The following ATP5ME variants were observed in gnomAD, a reference collection of about 807,000 sequenced individuals.
ATP5ME encodes ATP synthase F(0) complex subunit e, mitochondrial.
In ATP5ME, 10 loss-of-function variants were observed where a neutral mutation model predicts 11.6. That is an observed-to-expected ratio of 0.86 (90% CI 0.53 to 1.46). The LOEUF (loss-of-function observed/expected upper bound fraction) is 1.46, where lower values mean the gene tolerates loss of function less well. Ranked by LOEUF, ATP5ME falls within the 40% of genes most tolerant of loss-of-function variation. ATP5ME has a pLI of 0.00. For missense variants in ATP5ME, 115 were observed against 85.4 expected (o/e 1.35, Z -1.37); for synonymous variants, 45 against 33.5 (o/e 1.34, Z -1.19).
chr4:674,122 G>A (rs1463000962), intron 1 of ATP5ME, 90 bp downstream of exon 1: 9 of 1,381,150 alleles, frequency 6.5e-6, no homozygotes, highest in Non-Finnish European at 7.9e-6. Context: ...GGGGGCGGGG[G>A]CCGGGGGTCG....
chr4:674,228 AC>A lies in ATP5ME; in HGVS notation c.19del (p.Val7SerfsTer27). The A allele has an allele frequency of 6.2e-7, 1 of 1,611,856 alleles. No homozygotes were observed. The highest frequency in any genetic ancestry group is 1.3e-5 in the African/African-American group (1 of 74,952). MVPPVQ[V>X]SPLIKLGRYS... ...CTGGATCACCTTGATGAGCGGAGAGACCTGCACCGGTGGCACCATCTTGTCC... is the reference window on the plus strand; with the variant it reads ...CTGGATCACCTTGATGAGCGGAGAGACTGCACCGGTGGCACCATCTTGTCC... On this transcript the variant is annotated frameshift_variant, in exon 1 of 4. Transcript: ENST00000304312. LOFTEE classifies it high-confidence loss of function.
chr4:673,346 C>A lies in ATP5ME; in HGVS notation c.147G>T (p.Lys49Asn), dbSNP rs774192635. The change falls in exon 3 of 4, where the codon AAG becomes AAT. Residue 49 changes from lysine (K) to asparagine (N), a missense_variant. By Grantham distance (94) the Lys-to-Asn change is moderately conservative (BLOSUM62 0). Coordinates refer to ENST00000304312, the MANE Select transcript of ATP5ME (RefSeq NM_007100.4). Reference sequence around the variant, plus strand: ...CAATCCGTTTCAGTTCATCCTGCTTCTTCTTCTCTTCTGCTGCTATCCTCC... The same window carrying A: ...CAATCCGTTTCAGTTCATCCTGCTTATTCTTCTCTTCTGCTGCTATCCTCC... Reference protein sequence around the residue: ...EERRIAAEEKKKQDELKRIAR... With the variant: ...EERRIAAEEKNKQDELKRIAR... 2 of 1,614,212 alleles carry A rather than the reference C, an allele frequency of 1.2e-6. No homozygotes were observed. Among genetic ancestry groups the A allele is most frequent in the Non-Finnish European group, 1.7e-6 (2 of 1,180,018 alleles).
chr4:674,085 G>A (rs1738662021), intron 1 of ATP5ME, 119 bp from the exon 2 acceptor site: 1 of 1,463,846 alleles, frequency 6.8e-7, no homozygotes, highest in Non-Finnish European at 9.2e-7. Flanking sequence ...TCCGGTCGCC[G>A]GGCGAGGGTC....
chr4:673,782 T>C, intron 2 of ATP5ME, 130 bp downstream of exon 2: 2 of 1,293,850 alleles, frequency 1.5e-6, no homozygotes, highest in Non-Finnish European at 2.2e-6. Flanking sequence ...TCACGCTCGG[T>C]GGAGGACACG....
In ATP5ME at chr4:672,453, A is replaced by G. The variant is rs769795496; in HGVS notation, c.*47T>C. 6 of 1,612,654 alleles carry G rather than the reference A, an allele frequency of 3.7e-6. No individual in the cohort carries two copies. Among genetic ancestry groups the G allele is most frequent in the Non-Finnish European group, 5.1e-6 (6 of 1,179,226 alleles). On this transcript the variant is annotated 3_prime_UTR_variant, in exon 4 of 4. Transcript: ENST00000304312. ...AGCCGGAGTATCACACAACACAGGA[A>G]GCTTTATTCATCCGCTGCTGGTCCA...
In ATP5ME at chr4:674,037, G is replaced by C. The variant is rs963135363; in HGVS notation, c.37-71C>G. The C allele has an allele frequency of 1.5e-5, 23 of 1,517,790 alleles. No homozygotes were observed. In the African/African-American group the frequency reaches 3.2e-4, roughly 21 times the overall value. 94.0% of individuals were successfully genotyped at this position (1,517,790 alleles called of 1,614,324 possible). A position where few individuals can be genotyped will look rare whatever the true frequency, so the allele number is the denominator to read the frequency against. On this transcript the variant is annotated intron_variant, in intron 1 of 3. Transcript: ENST00000304312. ...GACGGGGGTCGCGGGAGGAGGGGGG[G>C]CGGGGTCGCTGGGCAGAGGTCGCAG...
At chr4:673,259 CA>C in intron 3 of ATP5ME, 43 bp downstream of exon 3, 1 of 1,613,886 alleles carries the variant, frequency 6.2e-7, no homozygotes, top group East Asian at 2.2e-5. Context: ...TATCCCTGCA[CA>C]AACCTGGGAG....
chr4:672,549 A>G (rs368343620), intron 3 of ATP5ME, 30 bp from the exon 4 acceptor site: 4 of 1,612,242 alleles, frequency 2.5e-6, no homozygotes, highest in Admixed American at 1.7e-5. Context: ...AGAAAAGCAC[A>G]TGTTACCACT....
At chr4:673,802 C>T in intron 2 of ATP5ME, 110 bp downstream of exon 2, 1 of 1,394,252 alleles carries the variant, frequency 7.2e-7, no homozygotes, top group Non-Finnish European at 9.8e-7. Context: ...GGTCCTGCAG[C>T]CTCGCATGCG....
At chr4:673,692 A>T in intron 2 of ATP5ME, 1 of 789,694 alleles carries the variant, frequency 1.3e-6, no homozygotes, top group Non-Finnish European at 2.0e-6. Flanking sequence ...ACCCGTTTTC[A>T]CCAAGAAGCA....
rs1441965895 is a variant in ATP5ME at position 673,356 on chromosome 4, TCTG to T, written c.134_136del (p.Ala45del). The T allele has an allele frequency of 2.5e-6, 4 of 1,614,084 alleles. No individual in the cohort carries two copies. The highest frequency in any genetic ancestry group is 2.2e-5 in the South Asian group (2 of 91,088). Reference sequence around the variant, plus strand: ...CAGTTCATCCTGCTTCTTCTTCTCTTCTGCTGCTATCCTCCTCTCCTCTTCTGC... The same window carrying T: ...CAGTTCATCCTGCTTCTTCTTCTCTTCTGCTATCCTCCTCTCCTCTTCTGC... On this transcript the variant is annotated inframe_deletion, in exon 3 of 4. Coordinates refer to ENST00000304312, the MANE Select transcript of ATP5ME (RefSeq NM_007100.4).
chr4:674,124 CG>C, intron 1 of ATP5ME, 87 bp downstream of exon 1: 6 of 578,964 alleles, frequency 1.0e-5, no homozygotes, highest in African/African-American at 5.8e-5. Flanking sequence ...GGGCGGGGGC[CG>C]GGGGTCGCAG....
At chr4:673,874 G>A (rs766513271) in intron 2 of ATP5ME, 38 bp downstream of exon 2, 4 of 1,544,294 alleles carry the variant, frequency 2.6e-6, no homozygotes, top group South Asian at 1.2e-5. Flanking sequence ...CAGGAAAGCC[G>A]AGCAGACCCC....
chr4:673,836 G>A (rs756370661), intron 2 of ATP5ME, 76 bp downstream of exon 2: 126 of 1,520,510 alleles, frequency 8.3e-5, no homozygotes, highest in Non-Finnish European at 1.0e-4. Context: ...TCCAGAGCTG[G>A]AGTTCTCCAA....
At chr4:673,609 CACTGGCTCACTCGTCCTCTGCGAACAGGG>C in intron 2 of ATP5ME, 2 of 865,470 alleles carry the variant, frequency 2.3e-6, no homozygotes, top group Non-Finnish European at 3.5e-6. Context: ...CCCGCTCACG[CACTGGCTCACTCGTCCTCTGCGAACAGGG>C]ACTGCCTCCC....
chr4:674,087 G>A (rs1738662249), intron 1 of ATP5ME, 121 bp from the exon 2 acceptor site: 2 of 1,463,696 alleles, frequency 1.4e-6, no homozygotes, highest in Non-Finnish European at 9.2e-7. Context: ...CGGTCGCCGG[G>A]CGAGGGTCAC....
intron 1 of ATP5ME, 39 bp downstream of exon 1, chr4:674,173 G>A (rs763951083): frequency 2.5e-5 from 40 of 1,604,210 alleles, no homozygotes; most frequent in Non-Finnish European, 3.1e-5. Context: ...ACACGGGGGG[G>A]CCCAGAGCAC....
chr4:673,323 A>T lies in ATP5ME; in HGVS notation c.170T>A (p.Ile57Asn). Reference sequence around the variant, plus strand: ...CGTACCTTCTGCCAATTCTCTGGCAATCCGTTTCAGTTCATCCTGCTTCTT... The same window carrying T: ...CGTACCTTCTGCCAATTCTCTGGCATTCCGTTTCAGTTCATCCTGCTTCTT... ...EKKKQDELKR[I>N]ARELAEDDSI... Residue 57 changes from isoleucine (I) to asparagine (N), a missense_variant, in exon 3 of 4, where the codon ATT becomes AAT. Transcript: ENST00000304312. The T allele has an allele frequency of 6.2e-7, 1 of 1,614,184 alleles. No individual in the cohort carries two copies. Among genetic ancestry groups the T allele is most frequent in the Non-Finnish European group, 8.5e-7 (1 of 1,180,000 alleles).
chr4:673,319 G>C lies in ATP5ME; in HGVS notation c.174C>G (p.Ala58=). The C allele has an allele frequency of 6.2e-7, 1 of 1,614,156 alleles. No individual in the cohort carries two copies. Among genetic ancestry groups the C allele is most frequent in the Non-Finnish European group, 8.5e-7 (1 of 1,180,014 alleles). The change falls in exon 3 of 4, where the codon GCC becomes GCG. Residue 58 remains alanine (A), a synonymous_variant. Coordinates refer to ENST00000304312, the MANE Select transcript of ATP5ME (RefSeq NM_007100.4). ...CACTCGTACCTTCTGCCAATTCTCT[G>C]GCAATCCGTTTCAGTTCATCCTGCT... ...KKKQDELKRI[A]RELAEDDSIL...
Sources: gnomAD v4.1 joint callset for allele counts on GRCh38, gnomAD v4.1.1 for gene constraint, MANE v1.5 for transcripts, NCBI Gene and HGNC (gene_info 2026-07-23, HGNC 2026-07-21) for gene names.